SBF2: variants seen among roughly 807,000 people sequenced by gnomAD.
SBF2 encodes the protein myotubularin-related protein 13.
Under a neutral mutation model 225.2 loss-of-function variants are expected in SBF2, and 112 were observed. That is an observed-to-expected ratio of 0.50 (90% CI 0.43 to 0.58). The LOEUF (loss-of-function observed/expected upper bound fraction) is 0.58. Among genes scored for constraint, SBF2 ranks in the 20% least tolerant of loss-of-function variants. The pLI is 0.00. For missense variants in SBF2, 1,996 were observed against 2,206.2 expected (o/e 0.90, Z 1.91); for synonymous variants, 763 against 773.3 (o/e 0.99, Z 0.22).
chr11:9,839,186 G>A (rs1011899371), intron 26 of SBF2: 3 of 378,882 alleles, frequency 7.9e-6, no homozygotes, highest in African/African-American at 6.3e-5. Context: ...GTCCTCTATT[G>A]GGCTGGGAAA....
chr11:10,251,640 C>T (rs181375636), intron 1 of SBF2, among the ~76,000 whole-genome samples: 15 of 152,280 alleles, frequency 9.9e-5, no homozygotes, highest in Admixed American at 3.3e-4. Flanking sequence ...ATAAGGAGCA[C>T]ACTCCAAACT....
intron 13 of SBF2, among the ~76,000 whole-genome samples, chr11:9,973,667 C>T (rs1246334429): frequency 6.6e-6 from 1 of 152,052 alleles, no homozygotes; most frequent in Non-Finnish European, 1.5e-5. Flanking sequence ...CCCCTCCCCC[C>T]TGCAGCACGC....
At chr11:10,215,536 T>A (rs538401095) in intron 1 of SBF2, among the ~76,000 whole-genome samples, 13 of 152,168 alleles carry the variant, frequency 8.5e-5, no homozygotes, top group Admixed American at 7.2e-4. Context: ...GGTGGGAGGA[T>A]CGCTTGAGCC....
chr11:10,291,505 G>T (rs1262197828), intron 1 of SBF2, among the ~76,000 whole-genome samples: 1 of 152,208 alleles, frequency 6.6e-6, no homozygotes, highest in African/African-American at 2.4e-5. Flanking sequence ...AATAGTAACA[G>T]AATATAATCC....
At chr11:9,827,970 A>G (rs894511234) in intron 28 of SBF2, among the ~76,000 whole-genome samples, 4 of 152,256 alleles carry the variant, frequency 2.6e-5, no homozygotes, top group African/African-American at 9.6e-5. Context: ...CTCATCTGTC[A>G]TCATGCTAGT....
At chr11:10,137,728 C>T (rs933783684) in intron 2 of SBF2, among the ~76,000 whole-genome samples, 7 of 152,048 alleles carry the variant, frequency 4.6e-5, no homozygotes, top group African/African-American at 9.7e-5. Context: ...AAATTGAGGC[C>T]GGGCGCGGTG....
At chr11:9,916,624 G>A (rs899761033) in intron 16 of SBF2, among the ~76,000 whole-genome samples, 2 of 149,486 alleles carry the variant, frequency 1.3e-5, no homozygotes, top group South Asian at 2.1e-4. Context: ...TTGAGACAGG[G>A]TCTTGCTCTG....
At chr11:9,891,336 T>C (rs1249793249) in intron 17 of SBF2, among the ~76,000 whole-genome samples, 1 of 152,214 alleles carries the variant, frequency 6.6e-6, no homozygotes, top group African/African-American at 2.4e-5. Flanking sequence ...ATTCTCAGTA[T>C]ACACTCTGGC....
In SBF2 at chr11:9,816,893, G is replaced by C; in HGVS notation, c.3925C>G (p.Leu1309Val). 1 of 1,614,176 alleles carries C rather than the reference G, an allele frequency of 6.2e-7. No homozygotes were observed. Among genetic ancestry groups the C allele is most frequent in the East Asian group, 2.2e-5 (1 of 44,878 alleles). ...TAAAGGGCTGCTTGCCGTTTCAAGA[G>C]CTGGTTTTGTAGGTAGCTGCTGTTA... ...FSNSSYLQNQ[L>V]LKRQAALYIF... Residue 1309 changes from leucine to valine, a missense_variant, in exon 29 of 40, where the codon CTC (leucine) becomes GTC (valine). Leu to Val is a conservative substitution (Grantham distance 32). Transcript: ENST00000256190.
intron 2 of SBF2, among the ~76,000 whole-genome samples, chr11:10,058,690 G>T (rs1340389306): frequency 6.6e-6 from 1 of 152,032 alleles, no homozygotes; most frequent in Non-Finnish European, 1.5e-5. Flanking sequence ...TACACAAGAA[G>T]ATCATCCCCA....
intron 2 of SBF2, among the ~76,000 whole-genome samples, chr11:10,086,481 C>T (rs994190386): frequency 6.6e-5 from 10 of 152,140 alleles, no homozygotes; most frequent in Admixed American, 6.5e-4. Flanking sequence ...TGATAACTTG[C>T]AATTGCTTGG....
chr11:9,966,232 G>A (rs1019455006), intron 14 of SBF2, among the ~76,000 whole-genome samples: 1 of 152,066 alleles, frequency 6.6e-6, no homozygotes, highest in East Asian at 1.9e-4. Flanking sequence ...GGGACTACAG[G>A]TGCATACCAC....
chr11:10,019,195 A>G (rs1431605669), intron 6 of SBF2, among the ~76,000 whole-genome samples: 1 of 152,160 alleles, frequency 6.6e-6, no homozygotes, highest in African/African-American at 2.4e-5. Flanking sequence ...ACATACTTCT[A>G]CCATCATATA....
chr11:10,150,370 C>T (rs1364437465), intron 2 of SBF2, among the ~76,000 whole-genome samples: 1 of 152,066 alleles, frequency 6.6e-6, no homozygotes, highest in Non-Finnish European at 1.5e-5. Flanking sequence ...AAACTCATTA[C>T]TTTTTCAGGG....
At chr11:9,803,646 G>A (rs1478413441) in intron 32 of SBF2, among the ~76,000 whole-genome samples, 1 of 152,176 alleles carries the variant, frequency 6.6e-6, no homozygotes, top group Non-Finnish European at 1.5e-5. Flanking sequence ...GTTTAGGTGT[G>A]CAGAATTCTG....
intron 16 of SBF2, among the ~76,000 whole-genome samples, chr11:9,920,227 CAT>C (rs1292087938): frequency 6.7e-5 from 10 of 150,004 alleles, no homozygotes; most frequent in Non-Finnish European, 1.5e-4. Context: ...TATACACACA[CAT>C]ATATGTATAT....
At chr11:10,082,345 A>C (rs937299167) in intron 2 of SBF2, among the ~76,000 whole-genome samples, 3 of 152,184 alleles carry the variant, frequency 2.0e-5, no homozygotes, top group Non-Finnish European at 4.4e-5. Context: ...TCAAAAAATT[A>C]ATGTGGACGG....
chr11:10,170,166 G>T (rs920208066), intron 2 of SBF2, among the ~76,000 whole-genome samples: 1 of 151,962 alleles, frequency 6.6e-6, no homozygotes, highest in African/African-American at 2.4e-5. Flanking sequence ...TTCTGCTTTG[G>T]TTGTCTGTGC....
chr11:10,169,512 C>T (rs1420003459), intron 2 of SBF2, among the ~76,000 whole-genome samples: 1 of 152,146 alleles, frequency 6.6e-6, no homozygotes, highest in Non-Finnish European at 1.5e-5. Context: ...GACAGAATCT[C>T]GTTCTTCTTA....
Sources: allele counts gnomAD v4.1 joint callset (sites outside exome capture counted in the v4.1 genomes callset), GRCh38; gene constraint gnomAD v4.1.1; transcripts MANE v1.5; gene names NCBI Gene and HGNC (gene_info 2026-07-23, HGNC 2026-07-21).